Variants in ZNF280C observed in about 807,000 individuals in gnomAD.
ZNF280C encodes the protein zinc finger protein 280C, also known as suppressor of hairy wing homolog 3.
A neutral mutation model predicts 53.6 loss-of-function variants in ZNF280C; 14 were observed. That is an observed-to-expected ratio of 0.26 (90% CI 0.17 to 0.41). The LOEUF is 0.41. Among genes scored for constraint, ZNF280C ranks in the 10% least tolerant of loss-of-function variants. The probability of loss-of-function intolerance (pLI) is 1.00; values close to 1 mark genes in which losing one functional copy is unlikely to be tolerated. For synonymous variants in ZNF280C, 203 were observed against 181.1 expected, an observed-to-expected ratio of 1.12 and a Z score of -0.97; for missense variants, 416 against 547.1, an observed-to-expected ratio of 0.76 and a Z score of 2.39.
rs929927113 is a variant in ZNF280C, at chrX:130,204,815, T to C, written c.*162A>G. On this transcript the variant is annotated 3_prime_UTR_variant, in exon 19 of 19. Coordinates refer to ENST00000370978, the MANE Select transcript of ZNF280C (RefSeq NM_017666.5). ...ACGCAAAGATAAGGTGGAATAACAA[T>C]GTAGTGGCATCTGAAAGCTGAAAAG... 1 of 386,977 alleles carries C rather than the reference T, an allele frequency of 2.6e-6. No homozygotes were observed. The allele number at this position is 386,977 out of a possible 1,213,427, so 31.9% of individuals were successfully genotyped here. A position where few individuals can be genotyped will look rare whatever the true frequency, so the allele number is the denominator to read the frequency against.
intron 15 of ZNF280C, among the ~76,000 whole-genome samples, chrX:130,210,609 A>G (rs1032567508): frequency 8.9e-5 from 10 of 112,301 alleles, no homozygotes; most frequent in Non-Finnish European, 1.5e-4. Context: ...AATAAACATG[A>G]AACATTTAAA....
At chrX:130,226,021 C>A (rs1371671542) in intron 12 of ZNF280C, among the ~76,000 whole-genome samples, 1 of 112,305 alleles carries the variant, frequency 8.9e-6, no homozygotes, top group African/African-American at 3.2e-5. Flanking sequence ...CCACAGGATG[C>A]TCTAATTGAG....
intron 1 of ZNF280C, among the ~76,000 whole-genome samples, chrX:130,265,842 T>C (rs1220130127): frequency 8.9e-6 from 1 of 112,606 alleles, no homozygotes; most frequent in African/African-American, 3.2e-5. Context: ...CCTGAAGTCA[T>C]ACCGTTAAGT....
At chrX:130,231,010 CT>C (rs2032271056) in intron 8 of ZNF280C, among the ~76,000 whole-genome samples, 1 of 111,429 alleles carries the variant, frequency 9.0e-6, no homozygotes, top group South Asian at 3.8e-4. Flanking sequence ...TGCAATTTTT[CT>C]TTTTAGATGT....
At chrX:130,236,689 G>A in intron 6 of ZNF280C, 50 bp from the exon 7 acceptor site, 3 of 898,176 alleles carry the variant, frequency 3.3e-6, no homozygotes, top group Non-Finnish European at 4.5e-6. Context: ...TTTCAGTATG[G>A]AATATTGCTT....
At chrX:130,246,109 T>G (rs1251187566) in intron 3 of ZNF280C, among the ~76,000 whole-genome samples, 1 of 112,123 alleles carries the variant, frequency 8.9e-6, no homozygotes, top group Non-Finnish European at 1.9e-5. Context: ...TATCTTCACT[T>G]TAACATTGTA....
rs186844567 is a variant in ZNF280C, at chrX:130,205,712, C to T, written c.2043-297G>A. Among the ~76,000 whole-genome samples, 3 of 109,323 alleles carry T rather than the reference C, an allele frequency of 2.7e-5. No homozygotes were observed. The East Asian group carries it at 8.5e-4, about 31-fold the overall frequency. 94.9% of individuals were successfully genotyped at this position (109,323 alleles called of 115,157 possible). On this transcript the variant is annotated intron_variant, in intron 16 of 18. Transcript: ENST00000370978. ...TGACCAATATGGTGAAACCTCGTCT[C>T]TACTAAAAATACAAAAATTAGTCAG...
chrX:130,248,203 G>A lies in ZNF280C; in HGVS notation c.32-1198C>T, dbSNP rs770944260. Among the ~76,000 whole-genome samples the A allele has an allele frequency of 4.5e-4, 45 of 100,997 alleles. 1 individual carries two copies. In the South Asian group the frequency reaches 0.013, roughly 29 times the overall value. 87.7% of individuals were successfully genotyped at this position (100,997 alleles called of 115,157 possible). A position where few individuals can be genotyped will look rare whatever the true frequency, so the allele number is the denominator to read the frequency against. ...CTCTTAACACATCTTCAAAGGGGAG[G>A]TGCTGAGTGGGCTGAGGGAAGACAC... is the stretch of plus-strand genomic sequence containing the variant. On this transcript the variant is annotated intron_variant, in intron 2 of 18. Transcript: ENST00000370978.
chrX:130,262,755 T>C (rs2032645166), intron 1 of ZNF280C, among the ~76,000 whole-genome samples: 1 of 111,660 alleles, frequency 9.0e-6, no homozygotes. Context: ...ACTGTTCTTC[T>C]GAGGGAAAAA....
At chrX:130,257,777 A>G (rs1021504914) in intron 2 of ZNF280C, among the ~76,000 whole-genome samples, 3 of 112,330 alleles carry the variant, frequency 2.7e-5, no homozygotes, top group African/African-American at 9.7e-5. Flanking sequence ...TTAAAAAAAG[A>G]TAAGTGTATT....
intron 2 of ZNF280C, among the ~76,000 whole-genome samples, chrX:130,258,370 T>C (rs2032596789): frequency 1.8e-5 from 2 of 111,937 alleles, no homozygotes; most frequent in Non-Finnish European, 3.8e-5. Flanking sequence ...GGCCTTAACA[T>C]GTAAAACTTG....
chrX:130,241,922 T>G (rs1241796756), intron 5 of ZNF280C, among the ~76,000 whole-genome samples: 1 of 105,428 alleles, frequency 9.5e-6, no homozygotes, highest in Non-Finnish European at 1.9e-5. Flanking sequence ...TTTCCTCAAC[T>G]ATAAAATGGG....
intron 8 of ZNF280C, among the ~76,000 whole-genome samples, chrX:130,232,939 C>G (rs1465762505): frequency 9.0e-6 from 1 of 111,172 alleles, no homozygotes; most frequent in Non-Finnish European, 1.9e-5. Flanking sequence ...TGAAAGCAAT[C>G]TAAATGTCTA....
At chrX:130,257,474 A>G (rs1288391531) in intron 2 of ZNF280C, among the ~76,000 whole-genome samples, 1 of 111,757 alleles carries the variant, frequency 8.9e-6, no homozygotes, top group African/African-American at 3.3e-5. Context: ...GAAAACCAAA[A>G]TCCTCATCTT....
chrX:130,214,430 G>T (rs1213328394), intron 15 of ZNF280C, among the ~76,000 whole-genome samples: 1 of 111,402 alleles, frequency 9.0e-6, no homozygotes, highest in African/African-American at 3.3e-5. Flanking sequence ...AGACAGATGC[G>T]GGAGACAGAG....
chrX:130,232,440 A>C (rs1365402256), intron 8 of ZNF280C, among the ~76,000 whole-genome samples: 1 of 109,982 alleles, frequency 9.1e-6, no homozygotes, highest in East Asian at 2.8e-4. Context: ...AATAGGAGAA[A>C]CTATCTGAGA....
intron 5 of ZNF280C, among the ~76,000 whole-genome samples, chrX:130,240,116 A>G (rs183593443): frequency 4.2e-4 from 47 of 111,740 alleles, no homozygotes; most frequent in Non-Finnish European, 7.9e-4. Flanking sequence ...AGAATGATTT[A>G]TAATAGCAAA....
intron 3 of ZNF280C, among the ~76,000 whole-genome samples, chrX:130,245,849 G>C (rs1214955488): frequency 9.2e-6 from 1 of 108,642 alleles, no homozygotes; most frequent in Non-Finnish European, 1.9e-5. Context: ...GCAGTGACGT[G>C]ATCTTGGCTC....
Position 130,220,764 on chromosome X carries a change from C to G in ZNF280C, c.1396-284G>C, listed in dbSNP as rs2032154669. On this transcript the variant is annotated intron_variant, in intron 12 of 18. Coordinates refer to ENST00000370978, the MANE Select transcript of ZNF280C (RefSeq NM_017666.5). ...TAGAGGCATAAATACGAGTGGATCC[C>G]AATCTATTGTTTGAGAAACCCTTGA... 2.7e-5 allele frequency among the ~76,000 whole-genome samples: 3 copies of G among 110,752 alleles called. 1 individual carries two copies. The Admixed American group carries it at 2.9e-4, about 11-fold the overall frequency.
Sources: allele counts gnomAD v4.1 joint callset (sites outside exome capture counted in the v4.1 genomes callset), GRCh38; gene constraint gnomAD v4.1.1; transcripts MANE v1.5; gene names NCBI Gene and HGNC (gene_info 2026-07-23, HGNC 2026-07-21).